Variants in CCDC191 observed in about 807,000 individuals in gnomAD.
CCDC191 encodes coiled-coil domain containing 191.
Under a neutral mutation model 114.0 loss-of-function variants are expected in CCDC191, and 99 were observed. That is an observed-to-expected ratio of 0.87 (90% CI 0.74 to 1.03). CCDC191 has a LOEUF of 1.03. Ranked by LOEUF, CCDC191 falls within the 50% of genes least tolerant of loss-of-function variation. CCDC191 has a pLI of 0.00. For missense variants in CCDC191, 973 were observed against 1,087.0 expected (o/e 0.90, Z 1.47); for synonymous variants, 351 against 376.0 (o/e 0.93, Z 0.77).
At chr3:113,988,366 C>T (rs780354072) in intron 13 of CCDC191, among the ~76,000 whole-genome samples, 1 of 151,888 alleles carries the variant, frequency 6.6e-6, no homozygotes, top group Non-Finnish European at 1.5e-5. Context: ...TGGTGGCGGG[C>T]GCCTGTTAAT....
chr3:114,027,334 G>C (rs1384305765), intron 7 of CCDC191, among the ~76,000 whole-genome samples: 1 of 152,162 alleles, frequency 6.6e-6, no homozygotes, highest in East Asian at 1.9e-4. Context: ...TCCAGAATTA[G>C]GCCGGGCGTG....
intron 1 of CCDC191, among the ~76,000 whole-genome samples, chr3:114,056,022 A>C (rs369425007): frequency 1.3e-5 from 2 of 152,100 alleles, no homozygotes; most frequent in African/African-American, 4.8e-5. Flanking sequence ...TTGCAAAAAA[A>C]AAAAAAGAGA....
intron 7 of CCDC191, among the ~76,000 whole-genome samples, chr3:114,026,937 T>C (rs890145624): frequency 3.3e-5 from 5 of 152,218 alleles, no homozygotes; most frequent in South Asian, 2.1e-4. Context: ...GCAAAGATCA[T>C]AGAGTTTCTA....
At chr3:113,993,144 C>G (rs972753196) in intron 13 of CCDC191, among the ~76,000 whole-genome samples, 15 of 152,052 alleles carry the variant, frequency 9.9e-5, no homozygotes, top group African/African-American at 3.6e-4. Flanking sequence ...GCTGGGTCAC[C>G]CCTGTGACCC....
intron 13 of CCDC191, among the ~76,000 whole-genome samples, chr3:114,000,945 A>G (rs1253570634): frequency 1.3e-5 from 2 of 151,974 alleles, no homozygotes; most frequent in African/African-American, 2.4e-5. Flanking sequence ...GTGAGCCACA[A>G]TGTCTGGCCC....
rs144332758 is a variant in CCDC191, at chr3:114,049,642, G to C, written c.130-2910C>G. Reference sequence around the variant, plus strand: ...GACTGAAGGATAAAGAAGGATAGAGGCTGGTACTGACAAGGAAATAAAGAC... The same window carrying C: ...GACTGAAGGATAAAGAAGGATAGAGCCTGGTACTGACAAGGAAATAAAGAC... On this transcript the variant is annotated intron_variant, in intron 2 of 16. Coordinates refer to ENST00000295878, the MANE Select transcript of CCDC191 (RefSeq NM_020817.2). 6.0e-3 allele frequency among the ~76,000 whole-genome samples: 916 copies of C among 152,246 alleles called. 13 individuals are homozygous for C. Among genetic ancestry groups the C allele is most frequent in the African/African-American group, 0.018 (734 of 41,534 alleles).
chr3:113,990,117 A>C (rs1291475345), intron 13 of CCDC191, among the ~76,000 whole-genome samples: 1 of 152,206 alleles, frequency 6.6e-6, no homozygotes, highest in Non-Finnish European at 1.5e-5. Flanking sequence ...GAAATCAATG[A>C]AATTGAAAAG....
At chr3:114,016,707 T>G (rs1048148164) in intron 8 of CCDC191, among the ~76,000 whole-genome samples, 1 of 152,244 alleles carries the variant, frequency 6.6e-6, no homozygotes, top group African/African-American at 2.4e-5. Context: ...ATGAAATCCC[T>G]ATTTAGTGCT....
chr3:114,049,783 T>C (rs2076677744), intron 2 of CCDC191, among the ~76,000 whole-genome samples: 1 of 152,242 alleles, frequency 6.6e-6, no homozygotes, highest in Non-Finnish European at 1.5e-5. Flanking sequence ...TATATTTGTT[T>C]GTGTTAAAAC....
intron 13 of CCDC191, among the ~76,000 whole-genome samples, chr3:113,990,268 GA>G (rs566516193): frequency 1.4e-3 from 208 of 152,088 alleles, no homozygotes; most frequent in African/African-American, 4.8e-3. Context: ...CATCAATACT[GA>G]TCTCATAGAC....
chr3:114,024,551 G>A (rs551486855), intron 7 of CCDC191, among the ~76,000 whole-genome samples: 1 of 152,242 alleles, frequency 6.6e-6, no homozygotes, highest in South Asian at 2.1e-4. Context: ...TCCTTTGTAG[G>A]GACACAGATG....
chr3:114,042,180 G>C (rs1404840526), intron 4 of CCDC191, among the ~76,000 whole-genome samples: 2 of 152,112 alleles, frequency 1.3e-5, no homozygotes, highest in Non-Finnish European at 2.9e-5. Flanking sequence ...ATCATAAGCA[G>C]AATTATAAAT....
At chr3:114,041,657 A>G (rs927027825) in intron 4 of CCDC191, among the ~76,000 whole-genome samples, 4 of 152,132 alleles carry the variant, frequency 2.6e-5, no homozygotes, top group African/African-American at 9.7e-5. Flanking sequence ...TAATTTTACA[A>G]GCTGATAGTT....
intron 6 of CCDC191, among the ~76,000 whole-genome samples, chr3:114,032,504 A>G (rs2076421133): frequency 1.3e-5 from 2 of 152,154 alleles, no homozygotes; most frequent in Admixed American, 6.5e-5. Flanking sequence ...TATAAAGTAT[A>G]TATTATTAAT....
chr3:114,012,133 C>G (rs2076080473), intron 8 of CCDC191, among the ~76,000 whole-genome samples: 1 of 152,146 alleles, frequency 6.6e-6, no homozygotes. Context: ...GAGACCATTT[C>G]TACAGTTCTT....
intron 14 of CCDC191, among the ~76,000 whole-genome samples, chr3:113,979,340 T>C (rs1245018609): frequency 1.3e-5 from 2 of 152,222 alleles, no homozygotes; most frequent in African/African-American, 4.8e-5. Flanking sequence ...CAATTTGCTC[T>C]CCTGGAGCTT....
chr3:113,986,797 G>A (rs369426622), intron 13 of CCDC191, among the ~76,000 whole-genome samples: 37 of 151,950 alleles, frequency 2.4e-4, no homozygotes, highest in African/African-American at 6.8e-4. Flanking sequence ...GCTCTCTCTC[G>A]CATGCGCTCT....
Position 114,002,485 on chromosome 3 carries a change from T to TC in CCDC191, c.2031dup (p.Lys678GlufsTer33). On this transcript the variant is annotated frameshift_variant, in exon 12 of 17. Transcript: ENST00000295878. LOFTEE classifies it high-confidence loss of function. ...TTTTCTTCTTCTTGTTTTTTCTTCTTCTCTGCCAAGATCCGCCTACATTCA... is the reference window on the plus strand; with the variant it reads ...TTTTCTTCTTCTTGTTTTTTCTTCTTCCTCTGCCAAGATCCGCCTACATTCA... The TC allele has an allele frequency of 6.2e-7, 1 of 1,611,032 alleles. No individual in the cohort carries two copies. The highest frequency in any genetic ancestry group is 8.5e-7 in the Non-Finnish European group (1 of 1,178,946).
rs1368256822 is a variant in CCDC191, at chr3:113,978,295, A to G, written c.2497T>C (p.Cys833Arg). ...ATCTTCTTTTGAAGAAAATGTACAC[A>G]AAATTTTCTTACTTCTTCCTGCAGA... Reference protein sequence around the residue: ...IDLQEEVRKFCVHFLQKKIFR... With the variant: ...IDLQEEVRKFRVHFLQKKIFR... The change falls in exon 16 of 17, where the codon TGT (cysteine) becomes CGT (arginine). Residue 833 changes from cysteine to arginine, a missense_variant. Coordinates refer to ENST00000295878, the MANE Select transcript of CCDC191 (RefSeq NM_020817.2). 1 of 1,614,036 alleles carries G rather than the reference A, an allele frequency of 6.2e-7. No homozygotes were observed. Among genetic ancestry groups the G allele is most frequent in the Non-Finnish European group, 8.5e-7 (1 of 1,179,942 alleles).
Sources: gnomAD v4.1 joint callset for allele counts (sites outside exome capture counted in the v4.1 genomes callset) on GRCh38, gnomAD v4.1.1 for gene constraint, MANE v1.5 for transcripts, NCBI Gene and HGNC (gene_info 2026-07-23, HGNC 2026-07-21) for gene names.